NPHP4: variants seen among roughly 807,000 people sequenced by gnomAD.
NPHP4 encodes nephrocystin-4.
Under a neutral mutation model 155.8 loss-of-function variants are expected in NPHP4, and 151 were observed. The observed-to-expected ratio is 0.97, with a 90% CI of 0.85 to 1.11. The LOEUF is 1.11. Among genes scored for constraint, NPHP4 ranks in the 50% least tolerant of loss-of-function variants. The pLI is 0.00. For synonymous variants in NPHP4, 845 were observed against 816.8 expected (o/e 1.03, Z -0.59); for missense variants, 1,956 against 1,925.7 (o/e 1.02, Z -0.29).
chr1:5,914,904 G>A (rs575993019), intron 11 of NPHP4, among the ~76,000 whole-genome samples: 26 of 152,288 alleles, frequency 1.7e-4, no homozygotes, highest in African/African-American at 5.1e-4. Context: ...TGCCCCAGCA[G>A]GTGCCAGGTA....
chr1:5,916,927 G>A (rs1237843025), intron 11 of NPHP4, among the ~76,000 whole-genome samples: 1 of 152,234 alleles, frequency 6.6e-6, no homozygotes, highest in Non-Finnish European at 1.5e-5. Flanking sequence ...AAGAGTCACA[G>A]GAACTACTCA....
chr1:5,888,085 C>T (rs1032031561), intron 17 of NPHP4, among the ~76,000 whole-genome samples: 1 of 152,082 alleles, frequency 6.6e-6, no homozygotes, highest in African/African-American at 2.4e-5. Context: ...ACGAGAGGCC[C>T]GCCGGGAGCC....
chr1:5,863,613 C>T (rs1640866741), intron 29 of NPHP4: 2 of 635,770 alleles, frequency 3.1e-6, no homozygotes, highest in South Asian at 3.9e-5. Context: ...TACTTGGACT[C>T]GAAGGCACAC....
rs1021742901 is a variant in NPHP4, at chr1:5,944,756, G to C, written c.1119+2348C>G. 8.5e-5 allele frequency among the ~76,000 whole-genome samples: 13 copies of C among 152,202 alleles called. No homozygotes were observed. Among genetic ancestry groups the C allele is most frequent in the African/African-American group, 3.1e-4 (13 of 41,432 alleles). On this transcript the variant is annotated intron_variant, in intron 9 of 29. Transcript: ENST00000378156. The surrounding 1 kb of genome is among the most constrained non-coding windows in gnomAD (Gnocchi z 4.3). ...AGGCCAAGGAGGGCAGATCACTTGAGGTCAGAAGTCTGAGACCTGCCTGGC... is the reference window on the plus strand; with the variant it reads ...AGGCCAAGGAGGGCAGATCACTTGACGTCAGAAGTCTGAGACCTGCCTGGC...
chr1:5,902,172 G>A (rs1323332197), intron 16 of NPHP4, among the ~76,000 whole-genome samples: 1 of 152,216 alleles, frequency 6.6e-6, no homozygotes, highest in African/African-American at 2.4e-5. Context: ...GCCTAACTGA[G>A]CTAACTAACT....
At chr1:5,899,043 G>A (rs554775517) in intron 16 of NPHP4, among the ~76,000 whole-genome samples, 3 of 152,184 alleles carry the variant, frequency 2.0e-5, no homozygotes, top group African/African-American at 4.8e-5. Flanking sequence ...CGTGACTGGC[G>A]AGGACATGGC....
At chr1:5,990,458 A>C (rs1656068700) in intron 1 of NPHP4, among the ~76,000 whole-genome samples, 1 of 151,596 alleles carries the variant, frequency 6.6e-6, no homozygotes, top group Non-Finnish European at 1.5e-5. Flanking sequence ...AAAAAAAAAA[A>C]GAAGAAGAAG....
Position 5,877,253 on chromosome 1 carries a change from T to C in NPHP4, c.2657A>G (p.Glu886Gly). The C allele has an allele frequency of 6.2e-7, 1 of 1,608,292 alleles. No individual in the cohort carries two copies. Among genetic ancestry groups the C allele is most frequent in the Middle Eastern group, 1.7e-4 (1 of 6,028 alleles). ...ATGGGTCAGTAGCATGGCAGCCAGCTCACTGTCCACGTCCGCCAGCTTCTG... is the reference window on the plus strand; with the variant it reads ...ATGGGTCAGTAGCATGGCAGCCAGCCCACTGTCCACGTCCGCCAGCTTCTG... Reference protein sequence around the residue: ...QAQKLADVDSELAAMLLTHAR... With the variant: ...QAQKLADVDSGLAAMLLTHAR... The change falls in exon 20 of 30, where the codon GAG (glutamate) becomes GGG (glycine). Residue 886 changes from glutamate (E) to glycine (G), a missense_variant. Transcript: ENST00000378156.
At chr1:5,948,016 C>A in intron 8 of NPHP4, 54 bp downstream of exon 8, 3 of 1,393,568 alleles carry the variant, frequency 2.2e-6, no homozygotes, top group Non-Finnish European at 2.0e-6. Context: ...GACCTCATTT[C>A]ATCGTGATCC....
intron 11 of NPHP4, among the ~76,000 whole-genome samples, chr1:5,927,022 G>A (rs1646040162): frequency 6.6e-6 from 1 of 152,228 alleles, no homozygotes. Context: ...CAGTATAGGT[G>A]GAATTCTCAA....
chr1:5,886,043 C>T (rs1484389233), intron 18 of NPHP4, among the ~76,000 whole-genome samples: 1 of 152,180 alleles, frequency 6.6e-6, no homozygotes, highest in Non-Finnish European at 1.5e-5. Flanking sequence ...ATAATGGAGG[C>T]AATCTTTCTT....
intron 3 of NPHP4, 76 bp downstream of exon 3, chr1:5,978,194 T>C: frequency 7.0e-7 from 1 of 1,419,800 alleles, no homozygotes; most frequent in Non-Finnish European, 9.7e-7. Flanking sequence ...CCCCAGTCTC[T>C]GGGCTGCCAC....
At chr1:5,966,918 C>A (rs992561511) in intron 5 of NPHP4, among the ~76,000 whole-genome samples, 5 of 152,374 alleles carry the variant, frequency 3.3e-5, no homozygotes, top group South Asian at 2.1e-4. Flanking sequence ...TCTAAGGCGG[C>A]CTCTCAGCCA....
chr1:5,876,738 A>G (rs191279947), intron 20 of NPHP4: 8 of 234,928 alleles, frequency 3.4e-5, no homozygotes, highest in Admixed American at 1.1e-4. Flanking sequence ...GAATGATTAC[A>G]TTGACAACCC....
intron 11 of NPHP4, among the ~76,000 whole-genome samples, chr1:5,914,048 T>C (rs1300914484): frequency 6.6e-6 from 1 of 151,962 alleles, no homozygotes; most frequent in Non-Finnish European, 1.5e-5. Context: ...TGAACAGGGA[T>C]AGGGCTGGGG....
chr1:5,871,369 G>A (rs561980508), intron 23 of NPHP4, among the ~76,000 whole-genome samples: 54 of 152,230 alleles, frequency 3.5e-4, no homozygotes, highest in African/African-American at 1.1e-3. Flanking sequence ...ATAACGCCTC[G>A]GTGTCCATCA....
chr1:5,922,869 C>T (rs946424782), intron 11 of NPHP4, among the ~76,000 whole-genome samples: 7 of 152,086 alleles, frequency 4.6e-5, no homozygotes, highest in Non-Finnish European at 1.0e-4. Flanking sequence ...CACGGTGGCA[C>T]TCCCTGTAGT....
chr1:5,866,537 A>G, intron 25 of NPHP4, 79 bp from the exon 26 acceptor site: 2 of 808,516 alleles, frequency 2.5e-6, no homozygotes, highest in Non-Finnish European at 4.3e-6. Context: ...TGTGACTAAT[A>G]CACGCAGCGA....
In NPHP4 at chr1:5,880,212, C is replaced by T. The variant is rs1233207932; in HGVS notation, c.2513G>A (p.Gly838Asp). 2.5e-6 allele frequency: 4 copies of T among 1,613,614 alleles called. No homozygotes were observed. The African/African-American group carries it at 5.3e-5, about 22-fold the overall frequency. The change falls in exon 19 of 30, where the codon GGT becomes GAT. Residue 838 changes from glycine to aspartate, a missense_variant. Gly to Asp is a moderately conservative substitution (Grantham distance 94, BLOSUM62 -1). Coordinates refer to ENST00000378156, the MANE Select transcript of NPHP4 (RefSeq NM_015102.5). ...TCTGGACGGTGGCAATGTGCTACAACCTCTCACTTTCTGTTCACACGGGTG... is the reference window on the plus strand; with the variant it reads ...TCTGGACGGTGGCAATGTGCTACAATCTCTCACTTTCTGTTCACACGGGTG... ...VGHPCEQKVR[G>D]CSTLPPSRSR... is the part of the protein sequence containing the mutation.
Sources: allele counts gnomAD v4.1 joint callset (sites outside exome capture counted in the v4.1 genomes callset), GRCh38; gene constraint gnomAD v4.1.1; non-coding constraint Gnocchi (gnomAD v3.1); transcripts MANE v1.5; gene names NCBI Gene and HGNC (gene_info 2026-07-23, HGNC 2026-07-21).